Variants in WDR27 observed in about 807,000 individuals in gnomAD.
The protein encoded by WDR27 is WD repeat domain 27, also known as WD repeat-containing protein 27.
WDR27 carries 100 observed loss-of-function variants against 114.4 expected under a neutral mutation model. That is an observed-to-expected ratio of 0.87 (90% CI 0.74 to 1.03). The LOEUF (loss-of-function observed/expected upper bound fraction) is 1.03, where lower values mean the gene tolerates loss of function less well. Ranked by LOEUF, WDR27 falls within the 50% of genes least tolerant of loss-of-function variation. WDR27 has a pLI of 0.00. For missense variants in WDR27, 1,129 were observed against 1,092.9 expected, an observed-to-expected ratio of 1.03 and a Z score of -0.47; for synonymous variants, 449 against 423.1, an observed-to-expected ratio of 1.06 and a Z score of -0.75.
At chr6:169,577,300 C>T (rs894967439) in intron 24 of WDR27, among the ~76,000 whole-genome samples, 1 of 152,058 alleles carries the variant, frequency 6.6e-6, no homozygotes, top group Non-Finnish European at 1.5e-5. Flanking sequence ...GGCAGGCCCG[C>T]GCCGAGGAGG....
chr6:169,665,616 G>T, intron 6 of WDR27, 60 bp from the exon 7 acceptor site: 1 of 1,497,428 alleles, frequency 6.7e-7, no homozygotes, highest in Non-Finnish European at 9.2e-7. Flanking sequence ...ATTAACCCGA[G>T]AACTGTCAGT....
rs192939442 is a variant in WDR27, at chr6:169,694,180, C to T, written c.-7-5168G>A. On this transcript the variant is annotated intron_variant, in intron 1 of 25. Transcript: ENST00000448612. ...AAAATTAGCCGGGCGTGGTGGCAGA[C>T]GCCTGTAAGCCCAGCTACTCAGGAG... Among the ~76,000 whole-genome samples the T allele has an allele frequency of 1.6e-3, 239 of 152,142 alleles. 2 individuals carry two copies. The highest frequency in any genetic ancestry group is 3.4e-3 in the Middle Eastern group (1 of 294).
downstream of WDR27, among the ~76,000 whole-genome samples, chr6:169,453,460 C>T (rs190319493): frequency 2.6e-5 from 4 of 152,318 alleles, no homozygotes; most frequent in African/African-American, 9.6e-5. Flanking sequence ...CCAAGCCTGC[C>T]GCTCACATGC....
Position 169,701,998 on chromosome 6 carries a change from T to C in WDR27, c.-455A>G. 2 of 419,508 alleles carry C rather than the reference T, an allele frequency of 4.8e-6. No individual in the cohort carries two copies. The highest frequency in any genetic ancestry group is 9.6e-6 in the Non-Finnish European group (2 of 208,346). The allele number at this position is 419,508 out of a possible 1,614,324, so 26.0% of individuals were successfully genotyped here. A position where few individuals can be genotyped will look rare whatever the true frequency, so the allele number is the denominator to read the frequency against. ...GCCCCACGCTCGCCGCTATGGTTACTTGCCAGCCGACCCACGCGAGCCGCT... is the reference window on the plus strand; with the variant it reads ...GCCCCACGCTCGCCGCTATGGTTACCTGCCAGCCGACCCACGCGAGCCGCT... On this transcript the variant is annotated 5_prime_UTR_variant, in exon 1 of 26. Coordinates refer to ENST00000448612, the MANE Select transcript of WDR27 (RefSeq NM_182552.5).
chr6:169,531,651 G>GTT (rs1236992686), intron 25 of WDR27, among the ~76,000 whole-genome samples: 4 of 96,662 alleles, frequency 4.1e-5, no homozygotes, highest in African/African-American at 1.4e-4. Flanking sequence ...ACATTAAACA[G>GTT]TTTGTTTTTT....
At chr6:169,471,032 G>A (rs1224006173) in intron 25 of WDR27, among the ~76,000 whole-genome samples, 3 of 152,110 alleles carry the variant, frequency 2.0e-5, no homozygotes, top group African/African-American at 7.2e-5. Flanking sequence ...GTGGTTGATA[G>A]TAGCTTTTCC....
chr6:169,567,347 G>A (rs1800662423), intron 25 of WDR27, among the ~76,000 whole-genome samples: 1 of 152,226 alleles, frequency 6.6e-6, no homozygotes, highest in Admixed American at 6.5e-5. Context: ...TGGCAGAACA[G>A]TGCATGTGCC....
At chr6:169,643,669 T>C (rs1161362492) in intron 17 of WDR27, 28 bp downstream of exon 17, 1 of 1,596,482 alleles carries the variant, frequency 6.3e-7, no homozygotes, top group Non-Finnish European at 8.6e-7. Flanking sequence ...CTTAAGTTCA[T>C]ACTGACTGAA....
At chr6:169,616,050 A>G (rs1474098996) in intron 21 of WDR27, among the ~76,000 whole-genome samples, 1 of 152,150 alleles carries the variant, frequency 6.6e-6, no homozygotes, top group Non-Finnish European at 1.5e-5. Flanking sequence ...AAAAAAACAG[A>G]TATAAGGTAA....
chr6:169,634,526 C>T lies in WDR27; in HGVS notation c.2004-1G>A. The T allele has an allele frequency of 6.2e-7, 1 of 1,603,886 alleles. No homozygotes were observed. Among genetic ancestry groups the T allele is most frequent in the African/African-American group, 1.3e-5 (1 of 74,856 alleles). Reference sequence around the variant, plus strand: ...CTTGGACTTGCTCTTCTGTTTATATCTGGAAGAGAAAATCAAGATGATCAA... The same window carrying T: ...CTTGGACTTGCTCTTCTGTTTATATTTGGAAGAGAAAATCAAGATGATCAA... On this transcript the variant is annotated splice_acceptor_variant, in intron 19 of 25. Transcript: ENST00000448612. LOFTEE classifies it high-confidence loss of function.
Position 169,659,572 on chromosome 6 carries a change from C to T in WDR27, c.1130-54G>A. 5 of 1,525,430 alleles carry T rather than the reference C, an allele frequency of 3.3e-6. No individual in the cohort carries two copies. The highest frequency in any genetic ancestry group is 4.5e-6 in the Non-Finnish European group (5 of 1,120,776). The allele number at this position is 1,525,430 out of a possible 1,614,324, so 94.5% of individuals were successfully genotyped here. A position where few individuals can be genotyped will look rare whatever the true frequency, so the allele number is the denominator to read the frequency against. ...ATGATGGGGAGGGAGGTAGCACATA[C>T]ACACGGAGTCACTGCCCAGAGCCCA... On this transcript the variant is annotated intron_variant, in intron 10 of 25. Coordinates refer to ENST00000448612, the MANE Select transcript of WDR27 (RefSeq NM_182552.5). The surrounding 1 kb of genome is among the most constrained non-coding windows in gnomAD (Gnocchi z 4.3).
At chr6:169,485,490 T>C (rs1242325881) in intron 25 of WDR27, among the ~76,000 whole-genome samples, 1 of 152,150 alleles carries the variant, frequency 6.6e-6, no homozygotes, top group Non-Finnish European at 1.5e-5. Context: ...AGAATGGCTA[T>C]TAAGAAGTCG....
chr6:169,428,107 AG>A, the WDR27 span, among the ~76,000 whole-genome samples: 2 of 152,210 alleles, frequency 1.3e-5, no homozygotes, highest in African/African-American at 4.8e-5. Context: ...CCATGAAGTC[AG>A]GGGAGGGGAG....
Position 169,646,952 on chromosome 6 carries a change from T to G in WDR27, c.1657+821A>C, listed in dbSNP as rs577757480. Among the ~76,000 whole-genome samples the G allele has an allele frequency of 3.9e-5, 6 of 152,192 alleles. No individual in the cohort carries two copies. The East Asian group carries it at 1.2e-3, about 29-fold the overall frequency. ...ATAAAATAAAGGGAATTTAGCGGAGTGGTACATGGTAACCCTTAGGCGACT... is the reference window on the plus strand; with the variant it reads ...ATAAAATAAAGGGAATTTAGCGGAGGGGTACATGGTAACCCTTAGGCGACT... On this transcript the variant is annotated intron_variant, in intron 16 of 25. Coordinates refer to ENST00000448612, the MANE Select transcript of WDR27 (RefSeq NM_182552.5).
intron 24 of WDR27, among the ~76,000 whole-genome samples, chr6:169,575,221 T>A (rs1802057525): frequency 1.4e-5 from 2 of 147,130 alleles, no homozygotes; most frequent in African/African-American, 2.5e-5. Flanking sequence ...CATCCATCCA[T>A]CCATCTCTCT....
At chr6:169,698,527 G>C (rs570271498) in intron 1 of WDR27, among the ~76,000 whole-genome samples, 1 of 152,212 alleles carries the variant, frequency 6.6e-6, no homozygotes, top group Non-Finnish European at 1.5e-5. Flanking sequence ...AATCATTTGT[G>C]TAAAAAGTTA....
At chr6:169,571,418 C>T (rs778959562) in intron 25 of WDR27, among the ~76,000 whole-genome samples, 14 of 152,196 alleles carry the variant, frequency 9.2e-5, no homozygotes, top group African/African-American at 9.6e-5. Context: ...ATAAAGTGAA[C>T]GACATGCAGC....
At chr6:169,599,307 G>C (rs115768616) in intron 23 of WDR27, among the ~76,000 whole-genome samples, 1 of 152,188 alleles carries the variant, frequency 6.6e-6, no homozygotes, top group African/African-American at 2.4e-5. Flanking sequence ...ACAAAAAGAA[G>C]AGATTGGTAT....
At chr6:169,449,381 A>T in the WDR27 span, among the ~76,000 whole-genome samples, 4 of 152,252 alleles carry the variant, frequency 2.6e-5, no homozygotes, top group Non-Finnish European at 5.9e-5. Context: ...GATATCTCAC[A>T]AAGTTTGAAT....
Sources: allele counts gnomAD v4.1 joint callset (sites outside exome capture counted in the v4.1 genomes callset), GRCh38; gene constraint gnomAD v4.1.1; non-coding constraint Gnocchi (gnomAD v3.1); transcripts MANE v1.5; gene names NCBI Gene and HGNC (gene_info 2026-07-23, HGNC 2026-07-21).